GRM5: variants seen among roughly 807,000 people sequenced by gnomAD.
The protein encoded by GRM5 is metabotropic glutamate receptor 5.
GRM5 carries 19 observed loss-of-function variants against 83.1 expected under a neutral mutation model. The observed-to-expected ratio is 0.23, with a 90% CI of 0.16 to 0.34. The LOEUF (loss-of-function observed/expected upper bound fraction) is 0.34, where lower values mean the gene tolerates loss of function less well. Ranked by LOEUF, GRM5 falls within the 10% of genes least tolerant of loss-of-function variation. The pLI, the probability that GRM5 is intolerant of heterozygous loss-of-function variation, is 1.00. For missense variants in GRM5, 1,160 were observed against 1,588.3 expected (o/e 0.73, Z 4.58); for synonymous variants, 675 against 633.6 (o/e 1.07, Z -0.98).
At chr11:88,702,724 G>T (rs2135374590) in intron 3 of GRM5, among the ~76,000 whole-genome samples, 1 of 152,174 alleles carries the variant, frequency 6.6e-6, no homozygotes, top group Non-Finnish European at 1.5e-5. Context: ...ATAAAGAGGT[G>T]ATTAAGTTGA....
chr11:88,606,672 G>A (rs1349500888), intron 4 of GRM5, among the ~76,000 whole-genome samples: 6 of 152,150 alleles, frequency 3.9e-5, no homozygotes, highest in Non-Finnish European at 7.4e-5. Flanking sequence ...AGGTTTAAAG[G>A]GCTGTAGGAG....
intron 3 of GRM5, among the ~76,000 whole-genome samples, chr11:88,797,522 A>G (rs933158842): frequency 6.6e-6 from 1 of 152,230 alleles, no homozygotes; most frequent in South Asian, 2.1e-4. Flanking sequence ...TAAATGACCT[A>G]AGCAATAGCA....
intron 2 of GRM5, among the ~76,000 whole-genome samples, chr11:88,977,453 C>T (rs1161361945): frequency 2.6e-5 from 4 of 151,948 alleles, no homozygotes; most frequent in East Asian, 1.9e-4. Context: ...CCTTGTGATC[C>T]GCCCACCTCG....
intron 2 of GRM5, among the ~76,000 whole-genome samples, chr11:88,862,657 A>T: frequency 6.6e-6 from 1 of 151,646 alleles, no homozygotes; most frequent in East Asian, 1.9e-4. Context: ...TTATTTTTTC[A>T]TTTTTTTTAA....
At chr11:88,899,058 G>T (rs1241088039) in intron 2 of GRM5, among the ~76,000 whole-genome samples, 2 of 151,798 alleles carry the variant, frequency 1.3e-5, no homozygotes, top group African/African-American at 4.8e-5. Flanking sequence ...TCTCATTATT[G>T]TTACTTGTCA....
chr11:88,527,544 G>T (rs1941908582), intron 8 of GRM5, among the ~76,000 whole-genome samples: 2 of 152,024 alleles, frequency 1.3e-5, no homozygotes, highest in Non-Finnish European at 2.9e-5. Flanking sequence ...ATTTCTCAAA[G>T]AACTTAAAGC....
chr11:89,043,402 A>G (rs552654097), intron 2 of GRM5, among the ~76,000 whole-genome samples: 1 of 152,320 alleles, frequency 6.6e-6, no homozygotes, highest in African/African-American at 2.4e-5. Flanking sequence ...TAAAGAATAT[A>G]ATAATGAAAT....
chr11:88,539,262 G>T (rs763052262), intron 8 of GRM5, among the ~76,000 whole-genome samples: 2 of 152,096 alleles, frequency 1.3e-5, no homozygotes, highest in African/African-American at 2.4e-5. Context: ...TTCACATTTT[G>T]TAATCTTTTT....
At chr11:88,532,649 G>A (rs1942040332) in intron 8 of GRM5, among the ~76,000 whole-genome samples, 1 of 152,054 alleles carries the variant, frequency 6.6e-6, no homozygotes, top group Admixed American at 6.5e-5. Flanking sequence ...GAATAAAATG[G>A]AATTGTAACT....
chr11:88,670,332 GGAAA>G (rs1369210831), intron 3 of GRM5, among the ~76,000 whole-genome samples: 9 of 151,900 alleles, frequency 5.9e-5, no homozygotes, highest in East Asian at 3.8e-4. Flanking sequence ...CCATAGAATA[GGAAA>G]GAGTTTTCAA....
At chr11:88,888,609 C>T (rs1945085230) in intron 2 of GRM5, among the ~76,000 whole-genome samples, 3 of 152,040 alleles carry the variant, frequency 2.0e-5, no homozygotes, top group African/African-American at 7.2e-5. Context: ...GCATGACATG[C>T]CGGCAAAAAG....
chr11:88,527,633 A>G (rs1326557788), intron 8 of GRM5, among the ~76,000 whole-genome samples: 1 of 152,166 alleles, frequency 6.6e-6, no homozygotes, highest in East Asian at 1.9e-4. Context: ...ATAAAAACAC[A>G]TCCATGTATA....
intron 2 of GRM5, among the ~76,000 whole-genome samples, chr11:88,871,856 C>A (rs1444392114): frequency 6.6e-6 from 1 of 150,544 alleles, no homozygotes; most frequent in Non-Finnish European, 1.5e-5. Context: ...TCTTGTAATC[C>A]CATAACAAAA....
rs550486464 is a variant in GRM5, at chr11:88,666,657, T to A, written c.912-13254A>T. On this transcript the variant is annotated intron_variant, in intron 3 of 9. Transcript: ENST00000305447. ...AACCACTTTGAGTTTTTATTTGGGA[T>A]CATTACAGGCTATATTTTAGTTGTA... 3.9e-5 allele frequency among the ~76,000 whole-genome samples: 6 copies of A among 152,322 alleles called. 1 individual carries two copies. The South Asian group carries it at 1.2e-3, about 32-fold the overall frequency.
At chr11:88,928,484 G>GTATGTGTGTATATATATATATATATT (rs1565296321) in intron 2 of GRM5, among the ~76,000 whole-genome samples, 1 of 98,476 alleles carries the variant, frequency 1.0e-5, no homozygotes, top group African/African-American at 3.4e-5. Context: ...ATATATATAT[G>GTATGTGTGTATATATATATATATATT]TATATATGTA....
At chr11:89,023,849 C>CTAAATAAA (rs71946693) in intron 2 of GRM5, among the ~76,000 whole-genome samples, 14 of 134,540 alleles carry the variant, frequency 1.0e-4, no homozygotes, top group East Asian at 6.4e-4. Flanking sequence ...GACTTCATCT[C>CTAAATAAA]TAAATAAATA....
chr11:88,506,815 T>G lies in GRM5; in HGVS notation c.*1777A>C, dbSNP rs1209292089. Reference sequence around the variant, plus strand: ...ATGGACTGACTTCTATTTCTCAGTTTATTTTCTGTTAAGTAGATGTGAAAT... The same window carrying G: ...ATGGACTGACTTCTATTTCTCAGTTGATTTTCTGTTAAGTAGATGTGAAAT... On this transcript the variant is annotated 3_prime_UTR_variant, in exon 10 of 10. Coordinates refer to ENST00000305447, the MANE Select transcript of GRM5 (RefSeq NM_001143831.3). 6.6e-6 allele frequency: 1 copy of G among 152,156 alleles called. No homozygotes were observed. The highest frequency in any genetic ancestry group is 1.5e-5 in the Non-Finnish European group (1 of 68,026). The allele number at this position is 152,156 out of a possible 1,614,324, so 9.4% of individuals were successfully genotyped here. A position where few individuals can be genotyped will look rare whatever the true frequency, so the allele number is the denominator to read the frequency against.
chr11:88,886,488 T>TG (rs1945046254), intron 2 of GRM5, among the ~76,000 whole-genome samples: 1 of 152,068 alleles, frequency 6.6e-6, no homozygotes, highest in African/African-American at 2.4e-5. Flanking sequence ...TTACAAGACT[T>TG]GGGGGACAGG....
At chr11:88,664,356 C>A (rs1301578447) in intron 3 of GRM5, among the ~76,000 whole-genome samples, 2 of 151,846 alleles carry the variant, frequency 1.3e-5, no homozygotes, top group Non-Finnish European at 2.9e-5. Context: ...ATGGTTGTGT[C>A]TGTACTGAAC....
Sources: allele counts gnomAD v4.1 joint callset (sites outside exome capture counted in the v4.1 genomes callset), GRCh38; gene constraint gnomAD v4.1.1; transcripts MANE v1.5; gene names NCBI Gene and HGNC (gene_info 2026-07-23, HGNC 2026-07-21).